Variants in ARL13B observed in about 807,000 individuals in gnomAD.
ARL13B encodes the protein ADP-ribosylation factor-like protein 13B.
A neutral mutation model predicts 56.1 loss-of-function variants in ARL13B; 36 were observed. That is an observed-to-expected ratio of 0.64 (90% CI 0.49 to 0.85). The LOEUF is 0.85. Ranked by LOEUF, ARL13B falls within the 40% of genes least tolerant of loss-of-function variation. ARL13B has a pLI of 0.00. For missense variants in ARL13B, 519 were observed against 507.1 expected, an observed-to-expected ratio of 1.02 and a Z score of -0.23; for synonymous variants, 178 against 171.1, an observed-to-expected ratio of 1.04 and a Z score of -0.32.
At chr3:94,007,326 A>G (rs904002730) in intron 3 of ARL13B, among the ~76,000 whole-genome samples, 7 of 152,216 alleles carry the variant, frequency 4.6e-5, no homozygotes, top group East Asian at 1.9e-4. Context: ...CCACAGTAGC[A>G]GGTTGTGACA....
At chr3:94,041,612 A>G (rs538221180) in intron 6 of ARL13B, among the ~76,000 whole-genome samples, 1 of 152,332 alleles carries the variant, frequency 6.6e-6, no homozygotes, top group South Asian at 2.1e-4. Flanking sequence ...AATGAAAAGA[A>G]GTAAACTCTA....
chr3:94,028,652 A>G (rs1042029562), intron 3 of ARL13B: 3 of 152,238 alleles, frequency 2.0e-5, no homozygotes, highest in African/African-American at 7.2e-5. Flanking sequence ...TATTCTTTAG[A>G]TTAAAGGAAG....
At chr3:94,040,100 A>G (rs1340984012) in intron 6 of ARL13B, 112 bp downstream of exon 6, 1 of 879,712 alleles carries the variant, frequency 1.1e-6, no homozygotes, top group Non-Finnish European at 1.8e-6. Flanking sequence ...TTCTTCTGAG[A>G]GATTATTTCT....
At chr3:93,999,116 A>AT (rs1313800702) in intron 2 of ARL13B, among the ~76,000 whole-genome samples, 1 of 143,488 alleles carries the variant, frequency 7.0e-6, no homozygotes, top group African/African-American at 2.5e-5. Context: ...TTTATTTATA[A>AT]TTTTTTATAG....
chr3:94,041,172 TTTA>T (rs750633810), intron 6 of ARL13B, among the ~76,000 whole-genome samples: 1 of 152,134 alleles, frequency 6.6e-6, no homozygotes, highest in East Asian at 1.9e-4. Flanking sequence ...AACATTTTTT[TTTA>T]TTATTACTGC....
At chr3:93,995,369 T>C (rs2075948710) in intron 1 of ARL13B, among the ~76,000 whole-genome samples, 1 of 152,156 alleles carries the variant, frequency 6.6e-6, no homozygotes, top group Non-Finnish European at 1.5e-5. Flanking sequence ...AGAAATATTT[T>C]AAACTTTACA....
chr3:94,000,118 A>G (rs983036360), intron 2 of ARL13B, among the ~76,000 whole-genome samples: 2 of 152,156 alleles, frequency 1.3e-5, no homozygotes, highest in Non-Finnish European at 2.9e-5. Context: ...GGTGTTCTGG[A>G]CCTGCTTTTC....
chr3:93,992,731 T>G (rs569513486), intron 1 of ARL13B, among the ~76,000 whole-genome samples: 14 of 152,308 alleles, frequency 9.2e-5, no homozygotes, highest in Middle Eastern at 6.8e-3. Flanking sequence ...TTAGCATTAC[T>G]TTAGTCCAAT....
chr3:93,994,370 C>T (rs551932138), intron 1 of ARL13B, among the ~76,000 whole-genome samples: 43 of 152,226 alleles, frequency 2.8e-4, no homozygotes, highest in African/African-American at 8.7e-4. Flanking sequence ...CCTTGACCAC[C>T]CTATATAAAA....
chr3:94,035,266 A>G, intron 3 of ARL13B, 65 bp from the exon 4 acceptor site: 1 of 1,173,596 alleles, frequency 8.5e-7, no homozygotes. Flanking sequence ...AATGTGGTCA[A>G]AATATCTTTA....
chr3:93,980,940 A>G (rs1269973540), intron 1 of ARL13B, among the ~76,000 whole-genome samples: 2 of 152,184 alleles, frequency 1.3e-5, no homozygotes, highest in Non-Finnish European at 2.9e-5. Flanking sequence ...CTACTTAATA[A>G]TTACATGACT....
At chr3:94,020,681 A>T (rs1450647042) in intron 3 of ARL13B, among the ~76,000 whole-genome samples, 1 of 152,198 alleles carries the variant, frequency 6.6e-6, no homozygotes, top group African/African-American at 2.4e-5. Flanking sequence ...TTGCTGTATT[A>T]CTTTATTGCC....
intron 3 of ARL13B, chr3:94,014,584 A>G: frequency 6.2e-7 from 1 of 1,612,736 alleles, no homozygotes; most frequent in Admixed American, 1.7e-5. Context: ...AAGATCCCTT[A>G]AATCCTTTAT....
chr3:93,980,368 G>A lies in ARL13B; in HGVS notation c.-56G>A. ...TGCCGGAGGCCCCCGGGGAAGAGCG[G>A]GGTGCCGGTGTCCGCTCCGGGCTCG... is the stretch of plus-strand genomic sequence containing the variant. On this transcript the variant is annotated 5_prime_UTR_variant, in exon 1 of 10. Coordinates refer to ENST00000394222, the MANE Select transcript of ARL13B (RefSeq NM_001174150.2). 6.2e-7 allele frequency: 1 copy of A among 1,603,030 alleles called. No individual in the cohort carries two copies. The highest frequency in any genetic ancestry group is 8.5e-7 in the Non-Finnish European group (1 of 1,176,416).
intron 2 of ARL13B, among the ~76,000 whole-genome samples, chr3:93,999,592 T>C (rs1417976729): frequency 6.6e-6 from 1 of 152,228 alleles, no homozygotes; most frequent in East Asian, 1.9e-4. Flanking sequence ...TTCAGTTGTT[T>C]TTAAATGTTC....
At chr3:94,017,275 G>T (rs1039085664) in intron 3 of ARL13B, among the ~76,000 whole-genome samples, 22 of 152,206 alleles carry the variant, frequency 1.4e-4, no homozygotes, top group Non-Finnish European at 4.4e-5. Flanking sequence ...AGTGAGATTA[G>T]ACTTACTTGG....
At chr3:94,011,927 C>G (rs1306884759) in intron 3 of ARL13B, among the ~76,000 whole-genome samples, 1 of 152,116 alleles carries the variant, frequency 6.6e-6, no homozygotes, top group Non-Finnish European at 1.5e-5. Context: ...TTCCTTGAAA[C>G]TGCTCTTCTT....
intron 2 of ARL13B, among the ~76,000 whole-genome samples, chr3:93,999,746 C>A (rs777640361): frequency 6.6e-6 from 1 of 152,168 alleles, no homozygotes; most frequent in East Asian, 1.9e-4. Context: ...AATCAAACTT[C>A]TCTTCTTCAT....
rs551527108 is a variant in ARL13B, at chr3:94,036,975, G to A, written c.689+221G>A. Reference sequence around the variant, plus strand: ...AATAGTTAAATTTACTCCTTACGTAGCCATTGTCTTCCAGAGTTTTAAATT... The same window carrying A: ...AATAGTTAAATTTACTCCTTACGTAACCATTGTCTTCCAGAGTTTTAAATT... On this transcript the variant is annotated intron_variant, in intron 5 of 9. Transcript: ENST00000394222. Among the ~76,000 whole-genome samples, 3 of 152,212 alleles carry A rather than the reference G, an allele frequency of 2.0e-5. No individual in the cohort carries two copies. The South Asian group carries it at 6.2e-4, about 32-fold the overall frequency.
Sources: allele counts gnomAD v4.1 joint callset (sites outside exome capture counted in the v4.1 genomes callset), GRCh38; gene constraint gnomAD v4.1.1; transcripts MANE v1.5; gene names NCBI Gene and HGNC (gene_info 2026-07-23, HGNC 2026-07-21).